The following TENM2 variants were observed in gnomAD, a reference collection of about 807,000 sequenced individuals.
TENM2 encodes teneurin-2.
TENM2 carries 52 observed loss-of-function variants against 245.2 expected under a neutral mutation model. The ratio of observed to expected loss-of-function variants is 0.21; its 90% CI spans 0.17 to 0.27. TENM2 has a LOEUF of 0.27. Among genes scored for constraint, TENM2 ranks in the 10% least tolerant of loss-of-function variants. TENM2 has a pLI of 1.00. For synonymous variants in TENM2, 1,363 were observed against 1,438.9 expected (o/e 0.95, Z 1.19); for missense variants, 3,046 against 3,666.8 (o/e 0.83, Z 4.37).
intron 2 of TENM2, among the ~76,000 whole-genome samples, chr5:167,478,153 A>G (rs761461048): frequency 2.0e-5 from 3 of 152,252 alleles, no homozygotes; most frequent in Non-Finnish European, 4.4e-5. Context: ...GGACTGAAAC[A>G]AACAAGGCTC....
intron 1 of TENM2, among the ~76,000 whole-genome samples, chr5:167,302,155 C>A (rs1476060324): frequency 6.6e-6 from 1 of 152,066 alleles, no homozygotes; most frequent in Non-Finnish European, 1.5e-5. Flanking sequence ...GACCGTTTGC[C>A]TATTTTGTGA....
intron 2 of TENM2, among the ~76,000 whole-genome samples, chr5:167,778,807 A>C (rs1356028550): frequency 6.6e-6 from 1 of 152,180 alleles, no homozygotes; most frequent in East Asian, 1.9e-4. Context: ...CCTTTCTTTG[A>C]AAGTCATGTG....
chr5:167,133,634 A>AG, the TENM2 span, among the ~76,000 whole-genome samples: 1 of 150,108 alleles, frequency 6.7e-6, no homozygotes, highest in South Asian at 2.1e-4. Context: ...AAAAAAAAAA[A>AG]GCAAAAAAGA....
chr5:168,260,070 G>A (rs898676214), intron 27 of TENM2, among the ~76,000 whole-genome samples: 1 of 152,142 alleles, frequency 6.6e-6, no homozygotes, highest in Non-Finnish European at 1.5e-5. Flanking sequence ...TCACCACATG[G>A]TGGTTATCAA....
chr5:167,815,089 T>C (rs1421715914), intron 2 of TENM2, among the ~76,000 whole-genome samples: 1 of 152,204 alleles, frequency 6.6e-6, no homozygotes, highest in African/African-American at 2.4e-5. Flanking sequence ...CAGTTCTCTG[T>C]TGTGTGAAGT....
chr5:168,107,594 C>T (rs1794355179), intron 9 of TENM2, among the ~76,000 whole-genome samples: 1 of 152,072 alleles, frequency 6.6e-6, no homozygotes, highest in Non-Finnish European at 1.5e-5. Context: ...GGGCCACATT[C>T]CGAGAATGAA....
chr5:167,544,708 C>A (rs1453600099), intron 2 of TENM2, among the ~76,000 whole-genome samples: 1 of 152,116 alleles, frequency 6.6e-6, no homozygotes, highest in African/African-American at 2.4e-5. Context: ...TACTGGGTGC[C>A]CCTCCTGGGA....
chr5:167,955,930 A>G (rs1780517720), intron 4 of TENM2, among the ~76,000 whole-genome samples: 1 of 152,184 alleles, frequency 6.6e-6, no homozygotes, highest in Non-Finnish European at 1.5e-5. Flanking sequence ...CTTTTTGCTT[A>G]GGCTATATCA....
Position 167,455,456 on chromosome 5 carries a change from T to TC in TENM2, c.502+79983_502+79984insC, listed in dbSNP as rs889110340. Among the ~76,000 whole-genome samples the TC allele has an allele frequency of 0.038, 6 of 156 alleles. No homozygotes were observed. In the East Asian group the frequency reaches 0.43, roughly 11 times the overall value. The allele number at this position is 156 out of a possible 152,430, so 0.1% of individuals were successfully genotyped here. ...CCCCTTGTTGTTGATGTATGTGTAGTTTTTTTTTTTTTTCAAATGTATCTC... is the reference window on the plus strand; with the variant it reads ...CCCCTTGTTGTTGATGTATGTGTAGTCTTTTTTTTTTTTTCAAATGTATCTC... On this transcript the variant is annotated intron_variant, in intron 2 of 28. Coordinates refer to ENST00000518659, the Ensembl canonical transcript of TENM2.
chr5:167,377,549 T>G (rs1220800244), intron 2 of TENM2, among the ~76,000 whole-genome samples: 2 of 152,146 alleles, frequency 1.3e-5, no homozygotes, highest in African/African-American at 2.4e-5. Flanking sequence ...TCAAAAGAGG[T>G]ACATAATGTA....
At chr5:167,169,267 G>A in the TENM2 span, among the ~76,000 whole-genome samples, 1 of 152,126 alleles carries the variant, frequency 6.6e-6, no homozygotes. Context: ...TTTCAACTCT[G>A]GATGTTTTCG....
intron 4 of TENM2, chr5:167,965,573 T>G (rs1025424381): frequency 2.2e-4 from 31 of 141,404 alleles, no homozygotes; most frequent in African/African-American, 8.2e-4. Flanking sequence ...TAGCGTGAGA[T>G]TCCATCTTAA....
At chr5:166,989,492 C>A in the TENM2 span, among the ~76,000 whole-genome samples, 3 of 151,734 alleles carry the variant, frequency 2.0e-5, no homozygotes, top group African/African-American at 4.8e-5. Flanking sequence ...GTGATCTGCC[C>A]GATTTGGCCT....
intron 13 of TENM2, among the ~76,000 whole-genome samples, chr5:168,172,039 T>G (rs1024374720): frequency 6.6e-6 from 1 of 152,172 alleles, no homozygotes; most frequent in Non-Finnish European, 1.5e-5. Flanking sequence ...GACCAGTGGT[T>G]CCCTACCGGG....
chr5:168,086,680 G>C (rs1792487858), intron 7 of TENM2, among the ~76,000 whole-genome samples: 1 of 152,174 alleles, frequency 6.6e-6, no homozygotes, highest in African/African-American at 2.4e-5. Flanking sequence ...CTAATGGGTA[G>C]GACCACTACA....
intron 4 of TENM2, among the ~76,000 whole-genome samples, chr5:167,968,773 G>A (rs1781561375): frequency 6.6e-6 from 1 of 152,100 alleles, no homozygotes; most frequent in African/African-American, 2.4e-5. Context: ...AAGGCACAGG[G>A]AGCTATTAGG....
At chr5:167,979,127 C>G (rs1782649125) in intron 4 of TENM2, among the ~76,000 whole-genome samples, 1 of 152,132 alleles carries the variant, frequency 6.6e-6, no homozygotes, top group Non-Finnish European at 1.5e-5. Flanking sequence ...GTAAATGCAA[C>G]TCTTCAGACA....
intron 2 of TENM2, among the ~76,000 whole-genome samples, chr5:167,759,282 G>T (rs1762507883): frequency 6.6e-6 from 1 of 151,814 alleles, no homozygotes; most frequent in South Asian, 2.1e-4. Flanking sequence ...AATCATATCA[G>T]TTCCTTCAAA....
chr5:167,862,316 G>C (rs1039378458), intron 2 of TENM2, among the ~76,000 whole-genome samples: 1 of 152,072 alleles, frequency 6.6e-6, no homozygotes, highest in Non-Finnish European at 1.5e-5. Context: ...ACAGCAACTT[G>C]TTGGGAGCCG....
Sources: allele counts gnomAD v4.1 joint callset (sites outside exome capture counted in the v4.1 genomes callset), GRCh38; gene constraint gnomAD v4.1.1; transcripts MANE v1.5; gene names NCBI Gene and HGNC (gene_info 2026-07-23, HGNC 2026-07-21).